The following ARVCF variants were observed in gnomAD, a reference collection of about 807,000 sequenced individuals.
ARVCF encodes ARVCF delta catenin family member.
A neutral mutation model predicts 90.9 loss-of-function variants in ARVCF; 66 were observed. The observed-to-expected ratio is 0.73, with a 90% CI of 0.60 to 0.89. The LOEUF (loss-of-function observed/expected upper bound fraction) is 0.89, where lower values mean the gene tolerates loss of function less well. Ranked by LOEUF, ARVCF falls within the 40% of genes least tolerant of loss-of-function variation. The pLI is 0.00. For missense variants in ARVCF, 1,469 were observed against 1,382.3 expected, an observed-to-expected ratio of 1.06 and a Z score of -1.00; for synonymous variants, 653 against 603.4, an observed-to-expected ratio of 1.08 and a Z score of -1.21.
intron 9 of ARVCF, among the ~76,000 whole-genome samples, chr22:19,977,023 G>T (rs1465543542): frequency 1.1e-5 from 1 of 87,268 alleles, no homozygotes; most frequent in African/African-American, 3.1e-5. Context: ...AGGGCATCTT[G>T]CCCAGGCAGA....
intron 2 of ARVCF, among the ~76,000 whole-genome samples, chr22:19,998,781 GGGCCGTGAGAC>G (rs1219910442): frequency 6.6e-6 from 1 of 152,212 alleles, no homozygotes; most frequent in East Asian, 1.9e-4. Flanking sequence ...GGGCAGGCAG[GGGCCGTGAGAC>G]GGCAGGTCAG....
intron 2 of ARVCF, among the ~76,000 whole-genome samples, chr22:19,999,093 C>G (rs1008954682): frequency 1.3e-5 from 2 of 152,146 alleles, no homozygotes; most frequent in African/African-American, 4.8e-5. Context: ...TGCTACAGCC[C>G]CACAGCCAGG....
At chr22:19,975,228 C>G (rs1163353428) in intron 11 of ARVCF, among the ~76,000 whole-genome samples, 1 of 152,222 alleles carries the variant, frequency 6.6e-6, no homozygotes, top group Non-Finnish European at 1.5e-5. Flanking sequence ...TCTCTCAAGC[C>G]AGATCCCAGC....
At chr22:19,978,595 A>G (rs896332203) in intron 7 of ARVCF, among the ~76,000 whole-genome samples, 5 of 152,070 alleles carry the variant, frequency 3.3e-5, no homozygotes, top group Non-Finnish European at 7.4e-5. Context: ...TCCCAGGCAG[A>G]TGAACAGGAA....
chr22:19,978,157 A>G (rs1329929741), intron 7 of ARVCF, 82 bp from the exon 8 acceptor site: 2 of 1,282,540 alleles, frequency 1.6e-6, no homozygotes, highest in African/African-American at 3.0e-5. Flanking sequence ...GCTTGTCTTC[A>G]TCTGCAAAAT....
chr22:19,971,800 G>A (rs2146224141), intron 18 of ARVCF, 86 bp downstream of exon 18: 1 of 1,444,314 alleles, frequency 6.9e-7, no homozygotes. Context: ...GCCCAGACCA[G>A]ACCCAGCATG....
chr22:19,972,962 G>A lies in ARVCF; in HGVS notation c.2513C>T (p.Thr838Ile). 6.2e-7 allele frequency: 1 copy of A among 1,613,794 alleles called. No individual in the cohort carries two copies. Among genetic ancestry groups the A allele is most frequent in the Non-Finnish European group, 8.5e-7 (1 of 1,180,022 alleles). The change falls in exon 15 of 20, where the codon ACC (threonine) becomes ATC (isoleucine). Residue 838 changes from threonine to isoleucine, a missense_variant. Physicochemically the swap from Thr to Ile is moderately conservative, Grantham distance 89. Coordinates refer to ENST00000263207, the MANE Select transcript of ARVCF (RefSeq NM_001670.3). ...CTTGGTCCAACCATCTTTCTGCAAG[G>A]TACCACGCAGCTCCTTGTAGCTCCA... Reference protein sequence around the residue: ...TVWSYKELRGTLQKDGWTKAR... With the variant: ...TVWSYKELRGILQKDGWTKAR...
At chr22:20,004,919 C>CT (rs1944566549) in intron 2 of ARVCF, among the ~76,000 whole-genome samples, 1 of 152,122 alleles carries the variant, frequency 6.6e-6, no homozygotes, top group Non-Finnish European at 1.5e-5. Flanking sequence ...AAACATAAGA[C>CT]CTCAAACTAT....
chr22:20,002,905 G>A (rs771650445), intron 2 of ARVCF, among the ~76,000 whole-genome samples: 37 of 152,242 alleles, frequency 2.4e-4, no homozygotes, highest in Non-Finnish European at 4.0e-4. Flanking sequence ...ATTTTTACTG[G>A]CTCAGGAAAT....
intron 3 of ARVCF, among the ~76,000 whole-genome samples, chr22:19,989,899 C>T (rs1194379254): frequency 6.6e-6 from 1 of 152,202 alleles, no homozygotes; most frequent in Non-Finnish European, 1.5e-5. Flanking sequence ...TAACAGGAAC[C>T]ATGATAATCA....
chr22:19,968,516 AC>A (rs778615118), downstream of ARVCF: 2 of 1,598,444 alleles, frequency 1.3e-6, no homozygotes. Flanking sequence ...CACCTCCCCC[AC>A]CCCCCGGTCT....
chr22:20,007,166 A>T lies in ARVCF; in HGVS notation c.-19+3289T>A, dbSNP rs1375640457. ...GTAATCCCAGCACTTTGGGAGGCCG[A>T]GGCGGGAGGATCACCTGAGGTCAGG... On this transcript the variant is annotated intron_variant, in intron 2 of 19. Transcript: ENST00000263207. Among the ~76,000 whole-genome samples, 7 of 152,086 alleles carry T rather than the reference A, an allele frequency of 4.6e-5. 1 individual carries two copies.
At chr22:19,981,807 T>C in intron 4 of ARVCF, 70 bp from the exon 5 acceptor site, 1 of 1,549,272 alleles carries the variant, frequency 6.5e-7, no homozygotes, top group South Asian at 1.2e-5. Flanking sequence ...GGGGTCTGGC[T>C]GGCCTTAATT....
intron 11 of ARVCF, among the ~76,000 whole-genome samples, chr22:19,975,056 G>T (rs1256130675): frequency 6.6e-6 from 1 of 152,124 alleles, no homozygotes; most frequent in African/African-American, 2.4e-5. Flanking sequence ...GCCCTGCTGG[G>T]CTTTCTGCTC....
chr22:19,970,082 T>TCCAGGCAGATGCGGCAGCCCCGGCC lies in ARVCF; in HGVS notation c.*649_*673dup. 1 of 985,458 alleles carries TCCAGGCAGATGCGGCAGCCCCGGCC rather than the reference T, an allele frequency of 1.0e-6. No homozygotes were observed. Among genetic ancestry groups the TCCAGGCAGATGCGGCAGCCCCGGCC allele is most frequent in the African/African-American group, 1.7e-5 (1 of 57,326 alleles). 61.0% of individuals were successfully genotyped at this position (985,458 alleles called of 1,614,324 possible). On this transcript the variant is annotated 3_prime_UTR_variant, in exon 20 of 20. Coordinates refer to ENST00000263207, the MANE Select transcript of ARVCF (RefSeq NM_001670.3). ...TCAGTCCCGGAGGTGCTGCCCAGGCTCCAGGCAGATGCGGCAGCCCCGGCC... is the reference window on the plus strand; with the variant it reads ...TCAGTCCCGGAGGTGCTGCCCAGGCTCCAGGCAGATGCGGCAGCCCCGGCCCCAGGCAGATGCGGCAGCCCCGGCC...
In ARVCF at chr22:20,016,747, G is replaced by GCCGCC. The variant is rs1246713161; in HGVS notation, c.-236_-232dup. Reference sequence around the variant, plus strand: ...GGCCGCAACTCGGACCGGTGCGGGGGCCGCCCCCTCCCTCCAGGCCCAGCG... The same window carrying GCCGCC: ...GGCCGCAACTCGGACCGGTGCGGGGGCCGCCCCGCCCCCTCCCTCCAGGCCCAGCG... On this transcript the variant is annotated 5_prime_UTR_variant, in exon 1 of 20. Transcript: ENST00000263207. The GCCGCC allele has an allele frequency of 6.6e-6, 1 of 151,212 alleles. No homozygotes were observed. The highest frequency in any genetic ancestry group is 1.5e-5 in the Non-Finnish European group (1 of 67,744). 9.4% of individuals were successfully genotyped at this position (151,212 alleles called of 1,614,324 possible). A position where few individuals can be genotyped will look rare whatever the true frequency, so the allele number is the denominator to read the frequency against.
chr22:20,009,443 T>C (rs1316653628), intron 2 of ARVCF, among the ~76,000 whole-genome samples: 13 of 152,176 alleles, frequency 8.5e-5, no homozygotes, highest in Admixed American at 1.3e-4. Context: ...CCCTACCACT[T>C]AGGCACAGCA....
chr22:19,971,864 C>T (rs916729982), intron 18 of ARVCF, 22 bp downstream of exon 18: 1 of 1,612,874 alleles, frequency 6.2e-7, no homozygotes, highest in Non-Finnish European at 8.5e-7. Context: ...GGGGACCTGC[C>T]CACAGCCACA....
At chr22:19,968,055 G>A (rs547560481), downstream of ARVCF, among the ~76,000 whole-genome samples, 7 of 152,250 alleles carry the variant, frequency 4.6e-5, no homozygotes, top group Non-Finnish European at 1.0e-4. Context: ...GACCCCAAGG[G>A]GCAGGCTTGT....
Sources: allele counts gnomAD v4.1 joint callset (sites outside exome capture counted in the v4.1 genomes callset), GRCh38; gene constraint gnomAD v4.1.1; transcripts MANE v1.5; gene names NCBI Gene and HGNC (gene_info 2026-07-23, HGNC 2026-07-21).